The following GALNTL6 variants were observed in gnomAD, a reference collection of about 807,000 sequenced individuals.
GALNTL6 encodes the protein polypeptide N-acetylgalactosaminyltransferase like 6, also known as polypeptide N-acetylgalactosaminyltransferase-like 6.
Under a neutral mutation model 73.7 loss-of-function variants are expected in GALNTL6, and 46 were observed. The observed-to-expected ratio is 0.62, with a 90% CI of 0.49 to 0.80. The LOEUF is 0.80. Among genes scored for constraint, GALNTL6 ranks in the 30% least tolerant of loss-of-function variants. The probability of loss-of-function intolerance (pLI) is 0.00; values close to 1 mark genes in which losing one functional copy is unlikely to be tolerated. For missense variants in GALNTL6, 604 were observed against 755.0 expected, an observed-to-expected ratio of 0.80 and a Z score of 2.34; for synonymous variants, 259 against 263.7, an observed-to-expected ratio of 0.98 and a Z score of 0.17.
At chr4:171,832,654 T>C (rs1257586018) in intron 2 of GALNTL6, among the ~76,000 whole-genome samples, 1 of 151,730 alleles carries the variant, frequency 6.6e-6, no homozygotes. Flanking sequence ...TCAAACATCA[T>C]ATTATTCCCT....
chr4:172,118,320 A>G (rs1733043486), intron 2 of GALNTL6, among the ~76,000 whole-genome samples: 1 of 152,212 alleles, frequency 6.6e-6, no homozygotes, highest in Admixed American at 6.5e-5. Context: ...TAAGAGGTAC[A>G]TAAAGTTTCA....
chr4:172,871,613 T>A (rs140584514), intron 7 of GALNTL6, among the ~76,000 whole-genome samples: 9 of 85,088 alleles, frequency 1.1e-4, no homozygotes, highest in African/African-American at 1.7e-4. Context: ...TGTGTGAGAG[T>A]GTGTGTGTGT....
intron 2 of GALNTL6, among the ~76,000 whole-genome samples, chr4:171,852,215 T>G (rs1375834926): frequency 1.3e-5 from 2 of 152,226 alleles, no homozygotes; most frequent in Non-Finnish European, 2.9e-5. Flanking sequence ...TGTCCAATTC[T>G]GTGCTCCATT....
intron 9 of GALNTL6, among the ~76,000 whole-genome samples, chr4:172,937,559 C>T (rs1748684207): frequency 6.6e-6 from 1 of 152,182 alleles, no homozygotes; most frequent in Non-Finnish European, 1.5e-5. Flanking sequence ...AAACTTTTGA[C>T]AGATTTTCTT....
chr4:172,158,427 CAGCT>C (rs1178805103), intron 2 of GALNTL6, among the ~76,000 whole-genome samples: 1 of 151,532 alleles, frequency 6.6e-6, no homozygotes, highest in East Asian at 1.9e-4. Flanking sequence ...AAAAAAAAAA[CAGCT>C]AGCAAACTTT....
intron 2 of GALNTL6, among the ~76,000 whole-genome samples, chr4:171,930,760 A>G (rs376333789): frequency 1.4e-4 from 22 of 152,282 alleles, no homozygotes; most frequent in South Asian, 6.2e-4. Context: ...ACTTGAACCC[A>G]GGAGGCAGAG....
intron 4 of GALNTL6, among the ~76,000 whole-genome samples, chr4:172,329,032 G>A (rs556199829): frequency 9.3e-4 from 142 of 152,296 alleles, no homozygotes; most frequent in South Asian, 4.6e-3. Context: ...TCAAGCAGGG[G>A]CAGGGTGGTT....
rs56961530 is a variant in GALNTL6 at position 172,209,317 on chromosome 4, C to A, written c.139-20339C>A. Among the ~76,000 whole-genome samples, 1,017 of 151,914 alleles carry A rather than the reference C, an allele frequency of 6.7e-3. 10 individuals carry two copies. Among genetic ancestry groups the A allele is most frequent in the African/African-American group, 0.023 (944 of 41,460 alleles). On this transcript the variant is annotated intron_variant, in intron 2 of 12. Transcript: ENST00000506823. Reference sequence around the variant, plus strand: ...ATATAGGTGGTATATATGGTCACTGCGAGATTGATATTATTTAATAGTTCC... The same window carrying A: ...ATATAGGTGGTATATATGGTCACTGAGAGATTGATATTATTTAATAGTTCC...
chr4:172,776,293 AGAGAG>A (rs1739067677), intron 5 of GALNTL6, among the ~76,000 whole-genome samples: 1 of 152,208 alleles, frequency 6.6e-6, no homozygotes, highest in Non-Finnish European at 1.5e-5. Flanking sequence ...CCTGCCATAT[AGAGAG>A]GAAAGAGGCA....
chr4:172,662,994 C>T (rs1731459682), intron 5 of GALNTL6, among the ~76,000 whole-genome samples: 1 of 152,026 alleles, frequency 6.6e-6, no homozygotes, highest in Non-Finnish European at 1.5e-5. Context: ...GCCTGCTGGG[C>T]AGGGGAGAAG....
At chr4:171,911,876 G>T (rs1737485084) in intron 2 of GALNTL6, among the ~76,000 whole-genome samples, 1 of 152,124 alleles carries the variant, frequency 6.6e-6, no homozygotes. Flanking sequence ...CCTAAGAACA[G>T]AAATTGATGA....
At chr4:172,834,824 T>C (rs767781691) in intron 7 of GALNTL6, among the ~76,000 whole-genome samples, 1 of 152,228 alleles carries the variant, frequency 6.6e-6, no homozygotes, top group African/African-American at 2.4e-5. Flanking sequence ...GAAATGGTGA[T>C]ATGAGGAGAA....
chr4:171,959,253 G>A (rs1294401311), intron 2 of GALNTL6, among the ~76,000 whole-genome samples: 2 of 152,080 alleles, frequency 1.3e-5, no homozygotes, highest in Non-Finnish European at 2.9e-5. Context: ...TAATGCAGTT[G>A]AGAAATTGTT....
chr4:172,171,866 A>C (rs1734841092), intron 2 of GALNTL6, among the ~76,000 whole-genome samples: 1 of 152,146 alleles, frequency 6.6e-6, no homozygotes, highest in Non-Finnish European at 1.5e-5. Context: ...GCTTCTGAAC[A>C]GGGCAGTATT....
At chr4:172,658,002 T>G (rs1579298607) in intron 5 of GALNTL6, among the ~76,000 whole-genome samples, 1 of 144,308 alleles carries the variant, frequency 6.9e-6, no homozygotes. Context: ...TACAAAAAAT[T>G]AGCCGGGCGT....
chr4:172,435,358 A>G (rs1210327407), intron 5 of GALNTL6, among the ~76,000 whole-genome samples: 1 of 152,264 alleles, frequency 6.6e-6, no homozygotes, highest in East Asian at 1.9e-4. Context: ...TGGAAGGCAG[A>G]TGGGGAAAGG....
intron 5 of GALNTL6, among the ~76,000 whole-genome samples, chr4:172,661,491 G>A (rs1338526259): frequency 6.6e-6 from 1 of 151,980 alleles, no homozygotes; most frequent in Non-Finnish European, 1.5e-5. Flanking sequence ...GAAATAACAA[G>A]ATGAACTTCA....
intron 5 of GALNTL6, among the ~76,000 whole-genome samples, chr4:172,464,312 A>G (rs1732725570): frequency 6.6e-6 from 1 of 152,188 alleles, no homozygotes; most frequent in African/African-American, 2.4e-5. Flanking sequence ...ATGATGACTA[A>G]TATTGAGAAT....
At chr4:172,217,246 A>T (rs1175372759) in intron 2 of GALNTL6, among the ~76,000 whole-genome samples, 1 of 152,178 alleles carries the variant, frequency 6.6e-6, no homozygotes, top group Non-Finnish European at 1.5e-5. Context: ...CCCACAAAGG[A>T]CAGCTTTGCA....
Sources: gnomAD v4.1 joint callset for allele counts (sites outside exome capture counted in the v4.1 genomes callset) on GRCh38, gnomAD v4.1.1 for gene constraint, MANE v1.5 for transcripts, NCBI Gene and HGNC (gene_info 2026-07-23, HGNC 2026-07-21) for gene names.